PCDHA1: variants seen among roughly 807,000 people sequenced by gnomAD.
PCDHA1 encodes the protein protocadherin alpha 1.
Under a neutral mutation model 61.3 loss-of-function variants are expected in PCDHA1, and 42 were observed. That is an observed-to-expected ratio of 0.69 (90% CI 0.54 to 0.89). The LOEUF is 0.89. Ranked by LOEUF, PCDHA1 falls within the 40% of genes least tolerant of loss-of-function variation. The pLI is 0.00. For missense variants in PCDHA1, 1,256 were observed against 1,235.3 expected (o/e 1.02, Z -0.25); for synonymous variants, 610 against 553.8 (o/e 1.10, Z -1.43).
intron 1 of PCDHA1, chr5:140,805,613 G>C (rs1554123423): frequency 5.5e-6 from 5 of 911,990 alleles, no homozygotes; most frequent in Non-Finnish European, 5.2e-6. Flanking sequence ...ATTTCTTTAT[G>C]TAAGAAAATG....
chr5:140,938,650 A>G (rs184257234), intron 1 of PCDHA1, among the ~76,000 whole-genome samples: 3 of 152,214 alleles, frequency 2.0e-5, no homozygotes, highest in Non-Finnish European at 2.9e-5. Flanking sequence ...ATCCTTCTTT[A>G]TATCATTAGA....
At chr5:140,951,311 T>G (rs1240303466) in intron 1 of PCDHA1, among the ~76,000 whole-genome samples, 4 of 152,224 alleles carry the variant, frequency 2.6e-5, no homozygotes, top group African/African-American at 9.6e-5. Context: ...ATTAATGTGT[T>G]ATTCTTGAGA....
intron 3 of PCDHA1, among the ~76,000 whole-genome samples, chr5:141,004,046 C>A (rs79317939): frequency 0.03 from 4,581 of 152,294 alleles, 86 homozygotes; most frequent in Non-Finnish European, 0.047. Flanking sequence ...TGATCATTTG[C>A]TGATACTGGC....
At chr5:140,841,910 A>C (rs2150325342) in intron 1 of PCDHA1, 2 of 1,613,928 alleles carry the variant, frequency 1.2e-6, no homozygotes, top group Admixed American at 3.3e-5. Context: ...GCTCGTATTA[A>C]GAAAATCCTT....
At chr5:140,828,766 T>A (rs2150158702) in intron 1 of PCDHA1, 32 of 1,614,112 alleles carry the variant, frequency 2.0e-5, no homozygotes, top group Non-Finnish European at 2.5e-5. Context: ...TCACAGGCAC[T>A]GTTCAGCTGC....
chr5:140,815,356 C>T (rs1194685534), intron 1 of PCDHA1: 1 of 151,876 alleles, frequency 6.6e-6, no homozygotes, highest in Non-Finnish European at 1.5e-5. Context: ...GTATATCTTC[C>T]ATAGGTATTT....
At chr5:141,008,410 A>G (rs782459591) in intron 3 of PCDHA1, among the ~76,000 whole-genome samples, 33 of 152,184 alleles carry the variant, frequency 2.2e-4, no homozygotes, top group Non-Finnish European at 3.7e-4. Context: ...TTCCAATGTC[A>G]TGGCCACTGG....
At chr5:140,999,845 T>G (rs1293721817) in intron 3 of PCDHA1, among the ~76,000 whole-genome samples, 1 of 152,188 alleles carries the variant, frequency 6.6e-6, no homozygotes, top group Non-Finnish European at 1.5e-5. Flanking sequence ...CAAGTGTATT[T>G]ATCTCTTCCG....
At chr5:140,977,461 G>A (rs1554238575) in intron 1 of PCDHA1, among the ~76,000 whole-genome samples, 1 of 152,120 alleles carries the variant, frequency 6.6e-6, no homozygotes, top group African/African-American at 2.4e-5. Context: ...CTTTGATTTG[G>A]TCTGTAGATA....
At position 140,787,783 on chromosome 5, in the gene PCDHA1, G is replaced by A. The variant is rs948369994; in HGVS notation, c.1493G>A (p.Arg498Gln). Residue 498 changes from arginine to glutamine, a missense_variant, in exon 1 of 4, where the codon CGG becomes CAG. Transcript: ENST00000504120. ...ALVSYSLVER[R>Q]VGERALSNYV... ...GTGTCCTATTCGCTGGTGGAACGGC[G>A]GGTGGGCGAGCGCGCGCTGTCGAAC... 6.2e-7 allele frequency: 1 copy of A among 1,612,814 alleles called. No individual in the cohort carries two copies. Among genetic ancestry groups the A allele is most frequent in the Non-Finnish European group, 8.5e-7 (1 of 1,179,800 alleles).
At chr5:141,002,020 T>A (rs1380012353) in intron 3 of PCDHA1, among the ~76,000 whole-genome samples, 4 of 152,166 alleles carry the variant, frequency 2.6e-5, no homozygotes, top group Admixed American at 6.5e-5. Flanking sequence ...TGCACAGCCT[T>A]CGGTGCCCTG....
chr5:140,865,392 A>G (rs1554159412), intron 1 of PCDHA1: 1 of 152,244 alleles, frequency 6.6e-6, no homozygotes, highest in Non-Finnish European at 1.5e-5. Context: ...TAAAGTTAAT[A>G]TAAATGCTGA....
At chr5:140,918,309 T>C (rs2078629927) in intron 1 of PCDHA1, among the ~76,000 whole-genome samples, 1 of 152,186 alleles carries the variant, frequency 6.6e-6, no homozygotes, top group Non-Finnish European at 1.5e-5. Context: ...TAGGGTTTTC[T>C]AGGTATAAAA....
intron 1 of PCDHA1, among the ~76,000 whole-genome samples, chr5:140,960,713 A>C (rs1272219565): frequency 6.6e-6 from 1 of 150,862 alleles, no homozygotes; most frequent in Non-Finnish European, 1.5e-5. Context: ...CCAAATACTC[A>C]TCTTATTTTA....
chr5:140,968,702 A>G, intron 1 of PCDHA1: 3 of 1,614,178 alleles, frequency 1.9e-6, no homozygotes, highest in Non-Finnish European at 2.5e-6. Flanking sequence ...TAGGACTACC[A>G]GGAAGATGGG....
chr5:140,844,335 A>G lies in PCDHA1; in HGVS notation c.2394+55651A>G, dbSNP rs1192632609. On this transcript the variant is annotated intron_variant, in intron 1 of 3. Transcript: ENST00000504120. The stretch of plus-strand genomic sequence containing the variant: ...TTCCTAATTTTATTATAAACTAGTT[A>G]AAAAGTAAAATCAAGAGGGAAGAGA... Among the ~76,000 whole-genome samples, 3 of 149,508 alleles carry G rather than the reference A, an allele frequency of 2.0e-5. No individual in the cohort carries two copies. In the South Asian group the frequency reaches 6.4e-4, roughly 32 times the overall value.
chr5:140,939,280 C>T (rs985518425), intron 1 of PCDHA1, among the ~76,000 whole-genome samples: 1 of 152,064 alleles, frequency 6.6e-6, no homozygotes, highest in Non-Finnish European at 1.5e-5. Flanking sequence ...GCTGTGCCCT[C>T]GTGATCTAAT....
In PCDHA1 at chr5:140,907,883, G is replaced by A. The variant is rs374762446; in HGVS notation, c.2395-71066G>A. Among the ~76,000 whole-genome samples, 394 of 152,228 alleles carry A rather than the reference G, an allele frequency of 2.6e-3. 2 individuals carry two copies. Among genetic ancestry groups the A allele is most frequent in the African/African-American group, 9.2e-3 (382 of 41,542 alleles). ...CCAGCCGTTGGTGAGCACTCACATG[G>A]GATACAAATATCTTCACAGTTTTTG... On this transcript the variant is annotated intron_variant, in intron 1 of 3. Coordinates refer to ENST00000504120, the MANE Select transcript of PCDHA1 (RefSeq NM_018900.4).
chr5:140,871,098 G>T (rs2052704304), intron 1 of PCDHA1: 4 of 1,613,192 alleles, frequency 2.5e-6, no homozygotes, highest in Non-Finnish European at 3.4e-6. Context: ...CCACCGTGCT[G>T]GTGTCGTTGG....
Sources: gnomAD v4.1 joint callset for allele counts (sites outside exome capture counted in the v4.1 genomes callset) on GRCh38, gnomAD v4.1.1 for gene constraint, MANE v1.5 for transcripts, NCBI Gene and HGNC (gene_info 2026-07-23, HGNC 2026-07-21) for gene names.